ATRIP: variants seen among roughly 807,000 people sequenced by gnomAD.
ATRIP encodes ATR-interacting protein.
A neutral mutation model predicts 78.1 loss-of-function variants in ATRIP; 44 were observed. That is an observed-to-expected ratio of 0.56 (90% CI 0.44 to 0.72). The LOEUF is 0.72. Ranked by LOEUF, ATRIP falls within the 30% of genes least tolerant of loss-of-function variation. The probability of loss-of-function intolerance (pLI) is 0.00; values close to 1 mark genes in which losing one functional copy is unlikely to be tolerated. For synonymous variants in ATRIP, 388 were observed against 408.9 expected (o/e 0.95, Z 0.62); for missense variants, 927 against 980.2 (o/e 0.95, Z 0.72).
rs749198409 is a variant in ATRIP at position 48,460,320 on chromosome 3, T to C, written c.1266T>C (p.Leu422=). The C allele has an allele frequency of 6.2e-7, 1 of 1,613,756 alleles. No homozygotes were observed. Among genetic ancestry groups the C allele is most frequent in the Admixed American group, 1.7e-5 (1 of 59,978 alleles). ...QLPGAVHFLP[L]VQFFIGLHCQ... ...CTGGAGCCGTGCATTTCCTCCCCCTTGTACAGTTCTTCATCGGCTTACACT... is the reference window on the plus strand; with the variant it reads ...CTGGAGCCGTGCATTTCCTCCCCCTCGTACAGTTCTTCATCGGCTTACACT... The change falls in exon 8 of 13, where the codon CTT becomes CTC. Residue 422 remains leucine, a synonymous_variant. Transcript: ENST00000320211.
Position 48,460,347 on chromosome 3 carries a change from C to G in ATRIP, c.1293C>G (p.Cys431Trp), listed in dbSNP as rs931755843. 1 of 1,613,084 alleles carries G rather than the reference C, an allele frequency of 6.2e-7. No homozygotes were observed. Among genetic ancestry groups the G allele is most frequent in the Non-Finnish European group, 8.5e-7 (1 of 1,179,524 alleles). Reference protein sequence around the residue: ...PLVQFFIGLHCQALQDLAAAK... With the variant: ...PLVQFFIGLHWQALQDLAAAK... ...TACAGTTCTTCATCGGCTTACACTG[C>G]CAGGCCCTGCAGGACTTGGCAGCTG... The change falls in exon 8 of 13, where the codon TGC (cysteine) becomes TGG (tryptophan). Residue 431 changes from cysteine to tryptophan, a missense_variant. By Grantham distance (215) the Cys-to-Trp change is radical. Coordinates refer to ENST00000320211, the MANE Select transcript of ATRIP (RefSeq NM_130384.3).
In ATRIP at chr3:48,467,620, C is replaced by G; in HGVS notation, c.*2066C>G. The G allele has an allele frequency of 1.9e-6, 3 of 1,605,172 alleles. No individual in the cohort carries two copies. Among genetic ancestry groups the G allele is most frequent in the Non-Finnish European group, 2.6e-6 (3 of 1,175,300 alleles). On this transcript the variant is annotated 3_prime_UTR_variant, in exon 13 of 13. Coordinates refer to ENST00000320211, the MANE Select transcript of ATRIP (RefSeq NM_130384.3). ...GAGTAGGCCAAGAAGGAAAATCTGACGAATAAAGACCCCCGCTGCCCCATA... is the reference window on the plus strand; with the variant it reads ...GAGTAGGCCAAGAAGGAAAATCTGAGGAATAAAGACCCCCGCTGCCCCATA...
At chr3:48,450,938 C>T (rs1174716771) in intron 2 of ATRIP, among the ~76,000 whole-genome samples, 2 of 151,710 alleles carry the variant, frequency 1.3e-5, no homozygotes, top group Non-Finnish European at 2.9e-5. Flanking sequence ...CCTGTAATCC[C>T]AGCACTTTGG....
At position 48,447,458 on chromosome 3, in the gene ATRIP, C is replaced by G. The variant is rs996015820; in HGVS notation, c.247+366C>G. ...CCATTCTTGTGACAAGTTTGAGCGG[C>G]TTTAGATCTTATGAAGCCCACTGTC... is the stretch of plus-strand genomic sequence containing the variant. On this transcript the variant is annotated intron_variant, in intron 1 of 12. Coordinates refer to ENST00000320211, the MANE Select transcript of ATRIP (RefSeq NM_130384.3). The G allele has an allele frequency of 3.3e-5, 33 of 1,004,850 alleles. 1 individual carries two copies. In the South Asian group the frequency reaches 1.4e-3, roughly 42 times the overall value. 62.2% of individuals were successfully genotyped at this position (1,004,850 alleles called of 1,614,324 possible). A position where few individuals can be genotyped will look rare whatever the true frequency, so the allele number is the denominator to read the frequency against.
rs1369028683 is a variant in ATRIP, at chr3:48,467,415, C to A, written c.*1861C>A. The A allele has an allele frequency of 1.2e-6, 2 of 1,614,218 alleles. No individual in the cohort carries two copies. The highest frequency in any genetic ancestry group is 3.3e-4 in the Middle Eastern group (2 of 6,062). On this transcript the variant is annotated 3_prime_UTR_variant, in exon 13 of 13. Coordinates refer to ENST00000320211, the MANE Select transcript of ATRIP (RefSeq NM_130384.3). ...ATCTGCTGTCACAACCACTGCACAC[C>A]TGGCCACAACCAGGAACACTAGTCC...
intron 3 of ATRIP, 131 bp from the exon 4 acceptor site, chr3:48,454,169 C>A (rs981634241): frequency 3.2e-6 from 2 of 626,062 alleles, no homozygotes; most frequent in Admixed American, 4.8e-5. Context: ...TATTTTAGGA[C>A]ATTTATGTCA....
At chr3:48,449,961 T>C (rs563008739) in intron 1 of ATRIP, 76 bp from the exon 2 acceptor site, 1 of 1,282,380 alleles carries the variant, frequency 7.8e-7, no homozygotes, top group Non-Finnish European at 1.0e-6. Flanking sequence ...AAAAAAAAAG[T>C]GGGTATTTTC....
Position 48,451,890 on chromosome 3 carries a change from C to T in ATRIP, c.543C>T (p.Phe181=). The T allele has an allele frequency of 6.2e-7, 1 of 1,604,030 alleles. No homozygotes were observed. The highest frequency in any genetic ancestry group is 8.5e-7 in the Non-Finnish European group (1 of 1,175,106). ...CACTCAGTGACAAGGAAAAGGAATT[C>T]TCCAAAAAGGTGACCCAGAGCATTT... is the stretch of plus-strand genomic sequence containing the variant. ...TQALSDKEKE[F]SKKLQSLQSE... The change falls in exon 3 of 13, where the codon TTC becomes TTT. Residue 181 remains phenylalanine (F), a synonymous_variant. Transcript: ENST00000320211.
rs1575284263 is a variant in ATRIP at position 48,460,897 on chromosome 3, T to C, written c.1745+98T>C. On this transcript the variant is annotated intron_variant, in intron 8 of 12. Coordinates refer to ENST00000320211, the MANE Select transcript of ATRIP (RefSeq NM_130384.3). ...TGTACTTTGCTCACATCTTGACTTA[T>C]CTACACTAGTTAGTTCTAAGGCTTG... is the stretch of plus-strand genomic sequence containing the variant. 1.1e-5 allele frequency: 13 copies of C among 1,189,166 alleles called. No homozygotes were observed. The South Asian group carries it at 1.4e-4, about 13-fold the overall frequency. The allele number at this position is 1,189,166 out of a possible 1,614,324, so 73.7% of individuals were successfully genotyped here.
chr3:48,467,101 G>A lies in ATRIP; in HGVS notation c.*1547G>A, dbSNP rs1019800321. ...CTGGGCCTCACCAGTGCTCTGGATGGTGCCTTCTGTGTGGATAGCATCACT... is the reference window on the plus strand; with the variant it reads ...CTGGGCCTCACCAGTGCTCTGGATGATGCCTTCTGTGTGGATAGCATCACT... On this transcript the variant is annotated 3_prime_UTR_variant, in exon 13 of 13. Coordinates refer to ENST00000320211, the MANE Select transcript of ATRIP (RefSeq NM_130384.3). 2 of 1,613,956 alleles carry A rather than the reference G, an allele frequency of 1.2e-6. No homozygotes were observed. The highest frequency in any genetic ancestry group is 1.7e-6 in the Non-Finnish European group (2 of 1,180,024).
chr3:48,448,360 AGTAGAGACGGG>A (rs1260425804), intron 1 of ATRIP, among the ~76,000 whole-genome samples: 3 of 152,056 alleles, frequency 2.0e-5, no homozygotes. Context: ...TTGTATTTTT[AGTAGAGACGGG>A]GTTTCGCCAT....
intron 5 of ATRIP, 120 bp downstream of exon 5, chr3:48,457,536 A>C: frequency 1.2e-6 from 1 of 804,754 alleles, no homozygotes; most frequent in Non-Finnish European, 1.8e-6. Flanking sequence ...CACAGAGGGG[A>C]CAATCTCTGC....
rs2040264024 is a variant in ATRIP at position 48,465,637 on chromosome 3, G to C, written c.*83G>C. The C allele has an allele frequency of 7.3e-7, 1 of 1,377,566 alleles. No homozygotes were observed. The highest frequency in any genetic ancestry group is 1.0e-6 in the Non-Finnish European group (1 of 973,640). 85.3% of individuals were successfully genotyped at this position (1,377,566 alleles called of 1,614,324 possible). ...AACTGATTAAAGCAGTGACCAGCAG[G>C]AACTGCCCAGAGAACTGGCTGGCCT... On this transcript the variant is annotated 3_prime_UTR_variant, in exon 13 of 13. Coordinates refer to ENST00000320211, the MANE Select transcript of ATRIP (RefSeq NM_130384.3).
intron 4 of ATRIP, among the ~76,000 whole-genome samples, chr3:48,456,840 ATAT>A (rs1014384913): frequency 1.3e-5 from 2 of 152,214 alleles, no homozygotes; most frequent in African/African-American, 2.4e-5. Context: ...ATTATGGCTA[ATAT>A]TATATTTTTG....
Position 48,466,132 on chromosome 3 carries a change from G to T in ATRIP, c.*578G>T. 1 of 428,764 alleles carries T rather than the reference G, an allele frequency of 2.3e-6. No individual in the cohort carries two copies. Among genetic ancestry groups the T allele is most frequent in the Non-Finnish European group, 4.4e-6 (1 of 227,816 alleles). 26.6% of individuals were successfully genotyped at this position (428,764 alleles called of 1,614,324 possible). On this transcript the variant is annotated 3_prime_UTR_variant, in exon 13 of 13. Transcript: ENST00000320211. ...CCCGGGAGCAGGGGAGTGGGTGTGG[G>T]GGGGAACGGATGGTGGTGAGAGGGA...
chr3:48,464,537 T>C, intron 10 of ATRIP, 45 bp from the exon 11 acceptor site: 1 of 1,581,274 alleles, frequency 6.3e-7, no homozygotes, highest in Non-Finnish European at 8.7e-7. Context: ...TCGCAGGGAC[T>C]GGTCTCCTTC....
At chr3:48,462,617 C>G (rs1033388146) in intron 8 of ATRIP, among the ~76,000 whole-genome samples, 1 of 151,380 alleles carries the variant, frequency 6.6e-6, no homozygotes, top group Non-Finnish European at 1.5e-5. Flanking sequence ...GCAGGAGAAT[C>G]GCTTGAACCC....
intron 4 of ATRIP, among the ~76,000 whole-genome samples, chr3:48,456,266 AC>A (rs2039952073): frequency 6.6e-6 from 1 of 151,222 alleles, no homozygotes. Context: ...ACATAGCAAA[AC>A]CCCATTGCTA....
In ATRIP at chr3:48,466,633, C is replaced by CAG. The variant is rs1365068703; in HGVS notation, c.*1080_*1081dup. 6.2e-7 allele frequency: 1 copy of CAG among 1,614,094 alleles called. No individual in the cohort carries two copies. Among genetic ancestry groups the CAG allele is most frequent in the Non-Finnish European group, 8.5e-7 (1 of 1,180,012 alleles). ...CCCACCCCATGCTCCTCTCCAGGCT[C>CAG]AGCAGCAGGTACGTACCCAACCATG... is the stretch of plus-strand genomic sequence containing the variant. On this transcript the variant is annotated 3_prime_UTR_variant, in exon 13 of 13. Transcript: ENST00000320211.
Sources: gnomAD v4.1 joint callset for allele counts (sites outside exome capture counted in the v4.1 genomes callset) on GRCh38, gnomAD v4.1.1 for gene constraint, MANE v1.5 for transcripts, NCBI Gene and HGNC (gene_info 2026-07-23, HGNC 2026-07-21) for gene names.